SBF2: variants seen among roughly 807,000 people sequenced by gnomAD.
SBF2 encodes SET binding factor 2.
SBF2 carries 112 observed loss-of-function variants against 225.2 expected under a neutral mutation model. That is an observed-to-expected ratio of 0.50 (90% CI 0.43 to 0.58). The LOEUF (loss-of-function observed/expected upper bound fraction) is 0.58, where lower values mean the gene tolerates loss of function less well. Ranked by LOEUF, SBF2 falls within the 20% of genes least tolerant of loss-of-function variation. SBF2 has a pLI of 0.00. For synonymous variants in SBF2, 763 were observed against 773.3 expected, an observed-to-expected ratio of 0.99 and a Z score of 0.22; for missense variants, 1,996 against 2,206.2, an observed-to-expected ratio of 0.90 and a Z score of 1.91.
In SBF2 at chr11:10,029,785, G is replaced by C. The variant is rs756400876; in HGVS notation, c.493C>G (p.Pro165Ala). Residue 165 changes from proline (P) to alanine (A), a missense_variant, in exon 5 of 40, where the codon CCA becomes GCA. Coordinates refer to ENST00000256190, the MANE Select transcript of SBF2 (RefSeq NM_030962.4). ...LIANLCACLV[P>A]AAGGSQKLFS... ...TTTACCTGAGACCCTCCAGCCGCTG[G>C]GACAAGGCAGGCACAAAGGTTTGCA... 1 of 1,612,902 alleles carries C rather than the reference G, an allele frequency of 6.2e-7. No homozygotes were observed. Among genetic ancestry groups the C allele is most frequent in the Non-Finnish European group, 8.5e-7 (1 of 1,178,960 alleles).
intron 16 of SBF2, among the ~76,000 whole-genome samples, chr11:9,941,171 T>C (rs1865228025): frequency 6.8e-6 from 1 of 148,010 alleles, no homozygotes. Context: ...ATAAATTAGC[T>C]GTGCATGGTG....
chr11:10,255,176 G>A (rs1370769533), intron 1 of SBF2, among the ~76,000 whole-genome samples: 1 of 151,868 alleles, frequency 6.6e-6, no homozygotes, highest in Non-Finnish European at 1.5e-5. Flanking sequence ...GTATGTCATG[G>A]GGACTATAGT....
rs191259294 is a variant in SBF2, at chr11:10,104,179, T to C, written c.142-61198A>G. On this transcript the variant is annotated intron_variant, in intron 2 of 39. Transcript: ENST00000256190. ...TAGTGAGTCTAACTTCATCCTGTTG[T>C]GGTCAGAGAAGATACTTTGTATGGT... is the stretch of plus-strand genomic sequence containing the variant. Among the ~76,000 whole-genome samples the C allele has an allele frequency of 3.4e-4, 52 of 152,274 alleles. No individual in the cohort carries two copies. In the East Asian group the frequency reaches 6.6e-3, roughly 19 times the overall value.
At chr11:9,875,330 G>T (rs981122175) in intron 17 of SBF2, among the ~76,000 whole-genome samples, 1 of 152,128 alleles carries the variant, frequency 6.6e-6, no homozygotes, top group Non-Finnish European at 1.5e-5. Flanking sequence ...AAGCTCCAGA[G>T]GATCATTTCT....
At chr11:10,282,494 C>T (rs577098263) in intron 1 of SBF2, among the ~76,000 whole-genome samples, 18 of 152,106 alleles carry the variant, frequency 1.2e-4, no homozygotes, top group Non-Finnish European at 2.1e-4. Context: ...TGATTATAGA[C>T]CATCACCTTT....
intron 32 of SBF2, among the ~76,000 whole-genome samples, chr11:9,796,217 T>A (rs1853115104): frequency 6.6e-6 from 1 of 152,108 alleles, no homozygotes; most frequent in Non-Finnish European, 1.5e-5. Context: ...AAGAGAGGCA[T>A]TATTATCTCC....
chr11:9,894,421 G>A (rs1861077090), intron 17 of SBF2, among the ~76,000 whole-genome samples: 1 of 152,036 alleles, frequency 6.6e-6, no homozygotes, highest in Admixed American at 6.6e-5. Flanking sequence ...GGAGGCTGAG[G>A]CAGGAGAATC....
chr11:10,038,938 T>G (rs999520807), intron 3 of SBF2, among the ~76,000 whole-genome samples: 2 of 151,892 alleles, frequency 1.3e-5, no homozygotes, highest in African/African-American at 4.8e-5. Context: ...GTAATAAAAG[T>G]CAATGTAAAT....
intron 28 of SBF2, among the ~76,000 whole-genome samples, chr11:9,826,019 A>G (rs769989734): frequency 5.3e-5 from 8 of 152,230 alleles, no homozygotes; most frequent in Non-Finnish European, 1.0e-4. Context: ...AACAATGATC[A>G]AATGTATGGA....
At chr11:9,841,984 A>T (rs1402295180) in intron 25 of SBF2, among the ~76,000 whole-genome samples, 1 of 152,156 alleles carries the variant, frequency 6.6e-6, no homozygotes, top group Non-Finnish European at 1.5e-5. Flanking sequence ...TGAGGGGAAA[A>T]AAAGGGTGTA....
At chr11:10,280,533 G>A (rs1208643327) in intron 1 of SBF2, among the ~76,000 whole-genome samples, 1 of 152,010 alleles carries the variant, frequency 6.6e-6, no homozygotes, top group African/African-American at 2.4e-5. Flanking sequence ...GCAACTCTGG[G>A]ATACAAAAAA....
intron 2 of SBF2, among the ~76,000 whole-genome samples, chr11:10,056,713 A>G (rs1482702839): frequency 6.6e-6 from 1 of 152,240 alleles, no homozygotes; most frequent in Non-Finnish European, 1.5e-5. Context: ...AGGACCTCCC[A>G]ACCAGGGCCT....
chr11:10,280,565 T>C (rs373422057), intron 1 of SBF2, among the ~76,000 whole-genome samples: 9 of 152,326 alleles, frequency 5.9e-5, no homozygotes, highest in East Asian at 5.8e-4. Context: ...CCCTGAAGAA[T>C]AGGCATTCAA....
At chr11:10,286,193 C>T (rs995783653) in intron 1 of SBF2, among the ~76,000 whole-genome samples, 27 of 149,938 alleles carry the variant, frequency 1.8e-4, no homozygotes, top group African/African-American at 6.6e-4. Flanking sequence ...CACACACACA[C>T]ACGGTAACTA....
At chr11:10,205,218 G>A (rs1957712976) in intron 1 of SBF2, among the ~76,000 whole-genome samples, 1 of 151,884 alleles carries the variant, frequency 6.6e-6, no homozygotes, top group Non-Finnish European at 1.5e-5. Flanking sequence ...TAGTGGTAAT[G>A]GTCGCACAAC....
At chr11:10,164,699 C>T (rs185968517) in intron 2 of SBF2, among the ~76,000 whole-genome samples, 1 of 151,614 alleles carries the variant, frequency 6.6e-6, no homozygotes, top group East Asian at 2.0e-4. Context: ...ATGGAAACAA[C>T]CAAACAGCTA....
intron 2 of SBF2, among the ~76,000 whole-genome samples, chr11:10,172,926 C>A (rs1956266292): frequency 6.6e-6 from 1 of 152,196 alleles, no homozygotes; most frequent in Non-Finnish European, 1.5e-5. Flanking sequence ...CCTTGGCCTC[C>A]CAAAGTGCTG....
At chr11:10,203,415 G>A (rs1957636304) in intron 1 of SBF2, among the ~76,000 whole-genome samples, 1 of 152,166 alleles carries the variant, frequency 6.6e-6, no homozygotes, top group South Asian at 2.1e-4. Context: ...TAGATAAAAT[G>A]TTGCTGTAGA....
chr11:10,026,392 T>C (rs544729872), intron 6 of SBF2, among the ~76,000 whole-genome samples: 7 of 152,120 alleles, frequency 4.6e-5, no homozygotes, highest in Admixed American at 1.3e-4. Flanking sequence ...AGTCAATGGT[T>C]AGTAGGGACC....
Sources: gnomAD v4.1 joint callset for allele counts (sites outside exome capture counted in the v4.1 genomes callset) on GRCh38, gnomAD v4.1.1 for gene constraint, MANE v1.5 for transcripts, NCBI Gene and HGNC (gene_info 2026-07-23, HGNC 2026-07-21) for gene names.